RPS6KA1: variants seen among roughly 807,000 people sequenced by gnomAD.
RPS6KA1 encodes ribosomal protein S6 kinase alpha-1.
A neutral mutation model predicts 91.3 loss-of-function variants in RPS6KA1; 48 were observed. That is an observed-to-expected ratio of 0.53 (90% CI 0.42 to 0.67). RPS6KA1 has a LOEUF of 0.67. Ranked by LOEUF, RPS6KA1 falls within the 30% of genes least tolerant of loss-of-function variation. The pLI is 0.00. For synonymous variants in RPS6KA1, 359 were observed against 384.7 expected (o/e 0.93, Z 0.78); for missense variants, 719 against 960.5 (o/e 0.75, Z 3.32).
At chr1:26,530,066 G>A in intron 1 of RPS6KA1, 83 bp downstream of exon 1, 2 of 1,019,532 alleles carry the variant, frequency 2.0e-6, no homozygotes, top group East Asian at 3.7e-5. Context: ...AAGCGCCGCT[G>A]CAGTCCGGCG....
At position 26,571,894 on chromosome 1, in the gene RPS6KA1, C is replaced by G. The variant is rs748010024; in HGVS notation, c.1798C>G (p.Leu600Val). ...GYDEGCDIWS[L>V]GILLYTMLAG... ...CGATGAAGGCTGCGACATCTGGAGCCTGGGCATTCTGCTGTACACCATGCT... is the reference window on the plus strand; with the variant it reads ...CGATGAAGGCTGCGACATCTGGAGCGTGGGCATTCTGCTGTACACCATGCT... The change falls in exon 19 of 22, where the codon CTG (leucine) becomes GTG (valine). Residue 600 changes from leucine to valine, a missense_variant. Leu to Val is a conservative substitution (Grantham distance 32). Around this residue, in one of 5 missense-constraint regions of RPS6KA1, gnomAD observed 249 missense variants for 323.1 expected, o/e 0.77. Transcript: ENST00000374168. The surrounding 1 kb of genome is among the most constrained non-coding windows in gnomAD (Gnocchi z 5.1). 5.6e-6 allele frequency: 9 copies of G among 1,611,760 alleles called. No homozygotes were observed. The highest frequency in any genetic ancestry group is 5.1e-6 in the Non-Finnish European group (6 of 1,180,006).
chr1:26,554,615 G>A lies in RPS6KA1; in HGVS notation c.633G>A (p.Glu211=). The stretch of plus-strand genomic sequence containing the variant: ...CTGTAGACTTTGGCCTGAGCAAAGA[G>A]GCCATTGACCACGAGAAGAAGGCCT... ...IKLTDFGLSK[E]AIDHEKKAYS... is the part of the protein sequence containing the mutation. Residue 211 remains glutamate, a synonymous_variant, in exon 9 of 22, where the codon GAG becomes GAA. Transcript: ENST00000374168. This position sits in a 1 kb window ranked among gnomAD's most constrained non-coding sequence, Gnocchi z 4.6. The A allele has an allele frequency of 6.2e-7, 1 of 1,613,522 alleles. No homozygotes were observed. The highest frequency in any genetic ancestry group is 1.3e-5 in the African/African-American group (1 of 75,018).
chr1:26,561,489 G>A lies in RPS6KA1; in HGVS notation c.1432-16G>A, dbSNP rs200644902. On this transcript the variant is annotated splice_polypyrimidine_tract_variant and intron_variant, in intron 16 of 21. Transcript: ENST00000374168. This position sits in a 1 kb window ranked among gnomAD's most constrained non-coding sequence, Gnocchi z 5.7. ...TGACACTGGGGAGAAGAGCCTGATG[G>A]TGAGGTCTTCGGCAGGTGTATGATG... 172 of 1,614,180 alleles carry A rather than the reference G, an allele frequency of 1.1e-4. No homozygotes were observed. In the East Asian group the frequency reaches 3.4e-3, roughly 32 times the overall value.
chr1:26,547,124 A>T lies in RPS6KA1; in HGVS notation c.226-65A>T. On this transcript the variant is annotated intron_variant, in intron 3 of 21. Transcript: ENST00000374168. This position sits in a 1 kb window ranked among gnomAD's most constrained non-coding sequence, Gnocchi z 4.1. Reference sequence around the variant, plus strand: ...AAGGTCAGCTTGGGGCTCAGAGAAGATAGAGGTCAGCCTGGACTCAGACCT... The same window carrying T: ...AAGGTCAGCTTGGGGCTCAGAGAAGTTAGAGGTCAGCCTGGACTCAGACCT... 1 of 1,572,968 alleles carries T rather than the reference A, an allele frequency of 6.4e-7. No individual in the cohort carries two copies. Among genetic ancestry groups the T allele is most frequent in the African/African-American group, 1.3e-5 (1 of 74,210 alleles).
rs759566064 is a variant in RPS6KA1 at position 26,553,375 on chromosome 1, C to G, written c.469-16C>G. On this transcript the variant is annotated splice_polypyrimidine_tract_variant and intron_variant, in intron 6 of 21. Transcript: ENST00000374168. ...AAGAGGAGGTCCCTGCTGAAGGCCCCTCCTGTCTTTTGCAGGTGATGTTCA... is the reference window on the plus strand; with the variant it reads ...AAGAGGAGGTCCCTGCTGAAGGCCCGTCCTGTCTTTTGCAGGTGATGTTCA... 2 of 1,580,878 alleles carry G rather than the reference C, an allele frequency of 1.3e-6. No homozygotes were observed. Among genetic ancestry groups the G allele is most frequent in the South Asian group, 2.2e-5 (2 of 90,290 alleles).
intron 2 of RPS6KA1, among the ~76,000 whole-genome samples, chr1:26,539,886 A>G (rs1485992102): frequency 6.6e-6 from 1 of 152,156 alleles, no homozygotes; most frequent in Non-Finnish European, 1.5e-5. Context: ...AAGCGCCTGC[A>G]GGTCTATTTT....
chr1:26,566,487 A>T (rs1384025608), intron 17 of RPS6KA1, among the ~76,000 whole-genome samples: 1 of 151,906 alleles, frequency 6.6e-6, no homozygotes, highest in Admixed American at 6.6e-5. Context: ...GGGTTTCACC[A>T]TGTTGGCCAA....
chr1:26,534,541 G>C lies in RPS6KA1; in HGVS notation c.64-2384G>C, dbSNP rs72879008. Among the ~76,000 whole-genome samples, 738 of 152,314 alleles carry C rather than the reference G, an allele frequency of 4.8e-3. 15 individuals carry two copies. Among genetic ancestry groups the C allele is most frequent in the African/African-American group, 0.017 (719 of 41,572 alleles). ...ATACAAATGCTGGGGATATAAAATAGACTGTTTTCAGGGTCTGTGGTTGTT... is the reference window on the plus strand; with the variant it reads ...ATACAAATGCTGGGGATATAAAATACACTGTTTTCAGGGTCTGTGGTTGTT... On this transcript the variant is annotated intron_variant, in intron 1 of 21. Coordinates refer to ENST00000374168, the MANE Select transcript of RPS6KA1 (RefSeq NM_002953.4).
chr1:26,573,977 G>C, intron 21 of RPS6KA1, 102 bp from the exon 22 acceptor site: 1 of 1,339,046 alleles, frequency 7.5e-7, no homozygotes, highest in East Asian at 2.4e-5. Flanking sequence ...AAAAAAAGTG[G>C]GCTGTGGAAC....
chr1:26,556,832 G>T (rs2076106170), intron 12 of RPS6KA1, 114 bp downstream of exon 12: 2 of 1,332,022 alleles, frequency 1.5e-6, no homozygotes, highest in Non-Finnish European at 2.2e-6. Context: ...AGGAGCAGAG[G>T]GTCACAGCCT....
chr1:26,532,095 C>T (rs2075872070), intron 1 of RPS6KA1, among the ~76,000 whole-genome samples: 1 of 152,184 alleles, frequency 6.6e-6, no homozygotes, highest in Non-Finnish European at 1.5e-5. Context: ...CTGGACTGCC[C>T]TGCCCTCCCT....
intron 6 of RPS6KA1, 107 bp from the exon 7 acceptor site, chr1:26,553,284 G>C (rs1224111155): frequency 4.3e-6 from 3 of 698,122 alleles, no homozygotes; most frequent in Non-Finnish European, 7.7e-6. Context: ...GGTTTCCAAG[G>C]GTCCTCCCAG....
Position 26,555,255 on chromosome 1 carries a change from T to A in RPS6KA1, c.827+34T>A. 2 of 1,604,310 alleles carry A rather than the reference T, an allele frequency of 1.2e-6. No homozygotes were observed. Among genetic ancestry groups the A allele is most frequent in the Non-Finnish European group, 1.7e-6 (2 of 1,171,326 alleles). On this transcript the variant is annotated intron_variant, in intron 10 of 21. Coordinates refer to ENST00000374168, the MANE Select transcript of RPS6KA1 (RefSeq NM_002953.4). The surrounding 1 kb of genome is among the most constrained non-coding windows in gnomAD (Gnocchi z 4.3). The stretch of plus-strand genomic sequence containing the variant: ...CAGCCCTGCCCTGATAACAATGGAC[T>A]CCTCCAAGCCCCAGCCCCAGTTTGG...
intron 2 of RPS6KA1, among the ~76,000 whole-genome samples, chr1:26,542,381 C>CT: frequency 6.6e-6 from 1 of 152,300 alleles, no homozygotes; most frequent in South Asian, 2.1e-4. Flanking sequence ...AAGGGGAAGT[C>CT]CGTGTGTGCG....
At chr1:26,567,042 G>A (rs898064488) in intron 17 of RPS6KA1, among the ~76,000 whole-genome samples, 11 of 150,810 alleles carry the variant, frequency 7.3e-5, no homozygotes, top group African/African-American at 2.0e-4. Flanking sequence ...TTTGAGACAG[G>A]GTCTCACTCT....
At chr1:26,550,842 G>A (rs143162392) in intron 4 of RPS6KA1, among the ~76,000 whole-genome samples, 136 of 152,224 alleles carry the variant, frequency 8.9e-4, no homozygotes, top group African/African-American at 3.1e-3. Context: ...AATCAGAACT[G>A]CCCAATAACT....
In RPS6KA1 at chr1:26,561,733, C is replaced by T; in HGVS notation, c.1590+70C>T. On this transcript the variant is annotated intron_variant, in intron 17 of 21. Transcript: ENST00000374168. The surrounding 1 kb of genome is among the most constrained non-coding windows in gnomAD (Gnocchi z 5.7). The stretch of plus-strand genomic sequence containing the variant: ...TATCATCAGCAGAGAACATGAACCA[C>T]CTGCTGGCCCAGGAATGGCAGCCTC... 6.8e-7 allele frequency: 1 copy of T among 1,467,764 alleles called. No homozygotes were observed. 90.9% of individuals were successfully genotyped at this position (1,467,764 alleles called of 1,614,324 possible). A position where few individuals can be genotyped will look rare whatever the true frequency, so the allele number is the denominator to read the frequency against.
At chr1:26,538,489 A>G (rs1198972685) in intron 2 of RPS6KA1, among the ~76,000 whole-genome samples, 2 of 152,202 alleles carry the variant, frequency 1.3e-5, no homozygotes, top group Non-Finnish European at 2.9e-5. Context: ...AGAGCAGAAG[A>G]TCCTGGGGTA....
At chr1:26,564,659 G>A (rs72879019) in intron 17 of RPS6KA1, among the ~76,000 whole-genome samples, 7,170 of 152,164 alleles carry the variant, frequency 0.047, 497 homozygotes, top group African/African-American at 0.15. Context: ...TGCATGAGTC[G>A]AGTATTTCAT....
Sources: gnomAD v4.1 joint callset for allele counts (sites outside exome capture counted in the v4.1 genomes callset) on GRCh38, gnomAD v4.1.1 for gene constraint, gnomAD v4.1.1 regional missense constraint, Gnocchi (gnomAD v3.1) non-coding constraint, MANE v1.5 for transcripts, NCBI Gene and HGNC (gene_info 2026-07-23, HGNC 2026-07-21) for gene names.